Variants in EXOSC10 observed in about 807,000 individuals in gnomAD.
EXOSC10 encodes the protein exosome complex component 10.
In EXOSC10, 94 loss-of-function variants were observed where a neutral mutation model predicts 126.6. The ratio of observed to expected loss-of-function variants is 0.74; its 90% CI spans 0.63 to 0.88. The LOEUF is 0.88. EXOSC10 is among the 40% of genes least tolerant of loss of function. The pLI, the probability that EXOSC10 is intolerant of heterozygous loss-of-function variation, is 0.00. For missense variants in EXOSC10, 1,041 were observed against 1,100.5 expected (o/e 0.95, Z 0.77); for synonymous variants, 395 against 400.8 (o/e 0.99, Z 0.17).
chr1:11,075,853 CAAA>C (rs58667041), intron 17 of EXOSC10, among the ~76,000 whole-genome samples: 76 of 35,108 alleles, frequency 2.2e-3, no homozygotes, highest in Non-Finnish European at 2.5e-3. Flanking sequence ...GATCCTGTCA[CAAA>C]AAAAAAAAAA....
intron 6 of EXOSC10, 64 bp from the exon 7 acceptor site, chr1:11,088,262 T>A: frequency 1.1e-5 from 13 of 1,225,128 alleles, no homozygotes; most frequent in Non-Finnish European, 1.5e-5. Flanking sequence ...GGAAAAATAA[T>A]GCCTTTTATC....
chr1:11,085,227 CA>C (rs1640424446), intron 9 of EXOSC10, among the ~76,000 whole-genome samples: 1 of 152,158 alleles, frequency 6.6e-6, no homozygotes, highest in Non-Finnish European at 1.5e-5. Flanking sequence ...ACAGTATGGC[CA>C]TTTTCACGAT....
chr1:11,069,141 C>T (rs1639291455), intron 22 of EXOSC10, among the ~76,000 whole-genome samples: 1 of 152,034 alleles, frequency 6.6e-6, no homozygotes, highest in African/African-American at 2.4e-5. Flanking sequence ...CCATCTGTAG[C>T]CCCTTCAAAG....
intron 24 of EXOSC10, among the ~76,000 whole-genome samples, 156 bp downstream of exon 24, chr1:11,067,852 A>G (rs1406460563): frequency 6.6e-6 from 1 of 151,952 alleles, no homozygotes; most frequent in Non-Finnish European, 1.5e-5. Flanking sequence ...TTGTTTTCCG[A>G]GTGGCGTGAG....
At chr1:11,073,643 A>G (rs1417306091) in intron 19 of EXOSC10, among the ~76,000 whole-genome samples, 1 of 151,844 alleles carries the variant, frequency 6.6e-6, no homozygotes, top group Non-Finnish European at 1.5e-5. Flanking sequence ...TAGTCCCAGC[A>G]CTTTGGGAGG....
At chr1:11,090,949 A>G in intron 5 of EXOSC10, 65 bp downstream of exon 5, 2 of 1,538,666 alleles carry the variant, frequency 1.3e-6, no homozygotes, top group South Asian at 2.4e-5. Context: ...AGACCTGTAC[A>G]CCCTTCCTGG....
chr1:11,075,616 C>G (rs1023065171), intron 17 of EXOSC10, among the ~76,000 whole-genome samples: 8 of 152,042 alleles, frequency 5.3e-5, no homozygotes, highest in African/African-American at 1.9e-4. Context: ...AAGCAAGGCC[C>G]AATCTAGATT....
intron 6 of EXOSC10, 30 bp downstream of exon 6, chr1:11,090,524 G>A (rs369050843): frequency 3.2e-6 from 5 of 1,562,982 alleles, no homozygotes; most frequent in Non-Finnish European, 4.4e-6. Flanking sequence ...AGTACTCACG[G>A]CAGAAAGTCA....
chr1:11,069,455 G>T, intron 22 of EXOSC10, 104 bp downstream of exon 22: 1 of 1,287,440 alleles, frequency 7.8e-7, no homozygotes, highest in Non-Finnish European at 1.1e-6. Flanking sequence ...CTAGCACCAT[G>T]CCTTGTGCAG....
chr1:11,068,131 A>G, intron 23 of EXOSC10, 47 bp from the exon 24 acceptor site: 1 of 1,515,472 alleles, frequency 6.6e-7, no homozygotes. Flanking sequence ...CCTTGACCAC[A>G]AGATACACAG....
At chr1:11,097,950 G>C in intron 2 of EXOSC10, 70 bp downstream of exon 2, 2 of 1,376,414 alleles carry the variant, frequency 1.5e-6, no homozygotes, top group Non-Finnish European at 1.9e-6. Context: ...ATAAATTTCA[G>C]GAAAAATTTA....
Position 11,081,102 on chromosome 1 carries a change from T to C in EXOSC10, c.1417A>G (p.Ser473Gly). ...PVQLQVVWQR[S>G]RDICLKKFIK... Reference sequence around the variant, plus strand: ...TGTACCTTGAGGCAGATGTCCCTGCTCCGTTGCCACACCACCTGCAGCTGC... The same window carrying C: ...TGTACCTTGAGGCAGATGTCCCTGCCCCGTTGCCACACCACCTGCAGCTGC... The change falls in exon 11 of 25, where the codon AGC becomes GGC. Residue 473 changes from serine (S) to glycine (G), a missense_variant. Physicochemically the swap from Ser to Gly is moderately conservative, Grantham distance 56 (BLOSUM62 0). Coordinates refer to ENST00000376936, the MANE Select transcript of EXOSC10 (RefSeq NM_001001998.3). 6.2e-7 allele frequency: 1 copy of C among 1,614,178 alleles called. No homozygotes were observed. The highest frequency in any genetic ancestry group is 8.5e-7 in the Non-Finnish European group (1 of 1,180,026).
intron 3 of EXOSC10, among the ~76,000 whole-genome samples, chr1:11,094,552 C>T (rs1417514611): frequency 2.6e-5 from 4 of 151,448 alleles, no homozygotes; most frequent in Admixed American, 6.6e-5. Flanking sequence ...CCACCCACCT[C>T]GGCCTCCCAA....
chr1:11,095,904 T>C, intron 2 of EXOSC10, 23 bp from the exon 3 acceptor site: 3 of 1,606,412 alleles, frequency 1.9e-6, no homozygotes, highest in Non-Finnish European at 2.6e-6. Context: ...AAACCAAGGT[T>C]AGCTTGTAGA....
chr1:11,070,709 G>GA (rs1481548975), intron 21 of EXOSC10, 191 bp downstream of exon 21: 1 of 577,286 alleles, frequency 1.7e-6, no homozygotes, highest in Non-Finnish European at 3.1e-6. Flanking sequence ...AGGTTAAGAG[G>GA]AATTACAATA....
chr1:11,085,464 T>C (rs934851766), intron 9 of EXOSC10, among the ~76,000 whole-genome samples: 3 of 152,236 alleles, frequency 2.0e-5, no homozygotes, highest in African/African-American at 7.2e-5. Context: ...TTTTGAATAT[T>C]GATTTTGTAT....
At chr1:11,076,400 G>A (rs191049141) in intron 17 of EXOSC10, among the ~76,000 whole-genome samples, 3 of 152,250 alleles carry the variant, frequency 2.0e-5, no homozygotes, top group East Asian at 3.9e-4. Flanking sequence ...ATGTGGTGCT[G>A]GGGTCAGGCA....
chr1:11,091,563 T>C lies in EXOSC10; in HGVS notation c.407A>G (p.Lys136Arg), dbSNP rs764502959. The change falls in exon 4 of 25, where the codon AAG becomes AGG. Residue 136 changes from lysine (K) to arginine (R), a missense_variant. Physicochemically the swap from Lys to Arg is conservative, Grantham distance 26. Coordinates refer to ENST00000376936, the MANE Select transcript of EXOSC10 (RefSeq NM_001001998.3). ...ILLDEASGVN[K>R]NQQPVLPAGL... ...GGCAGGGAGGACAGGCTGTTGATTC[T>C]TGTTTACACCTGAGGCTTCATCCAG... The C allele has an allele frequency of 1.9e-6, 3 of 1,614,212 alleles. No individual in the cohort carries two copies. In the East Asian group the frequency reaches 6.7e-5, roughly 36 times the overall value.
Position 11,077,389 on chromosome 1 carries a change from C to T in EXOSC10, c.1855G>A (p.Gly619Ser). ...CCACTGGTTGGGATGATTGGATAGCCATCCGGAGGGGCATGGGAGCAGTCG... is the reference window on the plus strand; with the variant it reads ...CCACTGGTTGGGATGATTGGATAGCTATCCGGAGGGGCATGGGAGCAGTCG... Reference protein sequence around the residue: ...PHDCSHAPPDGYPIIPTSGSV... With the variant: ...PHDCSHAPPDSYPIIPTSGSV... The change falls in exon 16 of 25, where the codon GGC becomes AGC. Residue 619 changes from glycine to serine, a missense_variant. Around this residue, in one of 3 missense-constraint regions of EXOSC10, gnomAD observed 388 missense variants for 415.2 expected, o/e 0.93. Coordinates refer to ENST00000376936, the MANE Select transcript of EXOSC10 (RefSeq NM_001001998.3). The T allele has an allele frequency of 6.2e-7, 1 of 1,612,574 alleles. No homozygotes were observed. Among genetic ancestry groups the T allele is most frequent in the Non-Finnish European group, 8.5e-7 (1 of 1,178,752 alleles).
Sources: gnomAD v4.1 joint callset for allele counts (sites outside exome capture counted in the v4.1 genomes callset) on GRCh38, gnomAD v4.1.1 for gene constraint, gnomAD v4.1.1 regional missense constraint, MANE v1.5 for transcripts, NCBI Gene and HGNC (gene_info 2026-07-23, HGNC 2026-07-21) for gene names.